MCPH1: variants seen among roughly 807,000 people sequenced by gnomAD.
The protein encoded by MCPH1 is microcephalin.
Under a neutral mutation model 84.5 loss-of-function variants are expected in MCPH1, and 104 were observed. That is an observed-to-expected ratio of 1.23 (90% CI 1.05 to 1.45). The LOEUF is 1.45. Among genes scored for constraint, MCPH1 ranks in the 40% most tolerant of loss-of-function variants. The pLI, the probability that MCPH1 is intolerant of heterozygous loss-of-function variation, is 0.00. For missense variants in MCPH1, 1,498 were observed against 1,005.7 expected (o/e 1.49, Z -6.62); for synonymous variants, 514 against 366.8 (o/e 1.40, Z -4.58).
chr8:6,627,933 T>C (rs1459287149), intron 13 of MCPH1, among the ~76,000 whole-genome samples: 7 of 151,820 alleles, frequency 4.6e-5, no homozygotes. Context: ...ATATAAACAT[T>C]AGTGGGTTTT....
chr8:6,509,730 T>C (rs1814572968), intron 12 of MCPH1, among the ~76,000 whole-genome samples: 1 of 152,178 alleles, frequency 6.6e-6, no homozygotes. Flanking sequence ...ATGTTGTATA[T>C]TGAAAATGCA....
chr8:6,445,598 G>A, intron 8 of MCPH1, 51 bp downstream of exon 8: 2 of 1,524,958 alleles, frequency 1.3e-6, no homozygotes, highest in Non-Finnish European at 8.8e-7. Flanking sequence ...ACATGTAACA[G>A]TGCATCCATA....
chr8:6,465,781 G>A (rs1019581685), intron 9 of MCPH1, among the ~76,000 whole-genome samples: 3 of 152,144 alleles, frequency 2.0e-5, no homozygotes, highest in Non-Finnish European at 2.9e-5. Context: ...TCAGACACGC[G>A]GTAAGGTAGA....
rs564967040 is a variant in MCPH1, at chr8:6,447,991, C to T, written c.1825+2444C>T. Among the ~76,000 whole-genome samples, 8 of 152,274 alleles carry T rather than the reference C, an allele frequency of 5.3e-5. No homozygotes were observed. The South Asian group carries it at 1.7e-3, about 32-fold the overall frequency. ...GAAGACTAGAATTTCCATCTCCTCA[C>T]TTGCCTCTTTTCACTAATTCACTTC... On this transcript the variant is annotated intron_variant, in intron 8 of 13. Coordinates refer to ENST00000344683, the MANE Select transcript of MCPH1 (RefSeq NM_024596.5).
chr8:6,542,468 G>T (rs1381930191), intron 12 of MCPH1, among the ~76,000 whole-genome samples: 1 of 152,080 alleles, frequency 6.6e-6, no homozygotes, highest in African/African-American at 2.4e-5. Context: ...TATTGTCGGA[G>T]TGTCACTGTA....
At chr8:6,430,916 A>G (rs1221303409) in intron 3 of MCPH1, among the ~76,000 whole-genome samples, 1 of 152,174 alleles carries the variant, frequency 6.6e-6, no homozygotes, top group Non-Finnish European at 1.5e-5. Context: ...TAAGAAGGAG[A>G]TAAGGGTCAC....
At chr8:6,541,245 C>T (rs1463688544) in intron 12 of MCPH1, among the ~76,000 whole-genome samples, 1 of 152,100 alleles carries the variant, frequency 6.6e-6, no homozygotes, top group East Asian at 1.9e-4. Context: ...GCTTTGAGGC[C>T]CCTTTAATGA....
intron 12 of MCPH1, among the ~76,000 whole-genome samples, chr8:6,540,156 G>C (rs987029505): frequency 1.3e-5 from 2 of 152,124 alleles, no homozygotes; most frequent in African/African-American, 4.8e-5. Context: ...TCTTCTTTGA[G>C]TGCAGCTGCA....
chr8:6,537,678 C>A (rs1820759768), intron 12 of MCPH1, among the ~76,000 whole-genome samples: 1 of 151,966 alleles, frequency 6.6e-6, no homozygotes, highest in Non-Finnish European at 1.5e-5. Flanking sequence ...TGTGAGGCAA[C>A]TATGGCAGAT....
At chr8:6,503,125 C>T in intron 12 of MCPH1, 1 of 1,614,204 alleles carries the variant, frequency 6.2e-7, no homozygotes, top group Non-Finnish European at 8.5e-7. Context: ...GTCGGATCAT[C>T]ATGGTTGTGG....
intron 12 of MCPH1, chr8:6,501,136 A>G (rs1183408539): frequency 1.3e-5 from 2 of 152,260 alleles, no homozygotes; most frequent in Non-Finnish European, 2.9e-5. Flanking sequence ...CTAGTTAAAT[A>G]GTTGTTGGAA....
At chr8:6,601,545 A>ACACC (rs879589352) in intron 12 of MCPH1, among the ~76,000 whole-genome samples, 35 of 144,346 alleles carry the variant, frequency 2.4e-4, no homozygotes, top group Non-Finnish European at 3.3e-4. Flanking sequence ...ACACACACAC[A>ACACC]CCCCTACGCA....
chr8:6,611,870 G>A (rs991261304), intron 12 of MCPH1, among the ~76,000 whole-genome samples: 7 of 151,970 alleles, frequency 4.6e-5, no homozygotes, highest in African/African-American at 7.2e-5. Flanking sequence ...CACCCACCTC[G>A]GCCTCCCAAA....
chr8:6,553,397 G>A (rs1037078296), intron 12 of MCPH1, among the ~76,000 whole-genome samples: 3 of 152,096 alleles, frequency 2.0e-5, no homozygotes, highest in Non-Finnish European at 4.4e-5. Context: ...GTCTTCTGAT[G>A]GTTACATAGT....
intron 9 of MCPH1, among the ~76,000 whole-genome samples, chr8:6,475,403 T>A (rs1808316169): frequency 6.6e-6 from 1 of 152,222 alleles, no homozygotes; most frequent in Non-Finnish European, 1.5e-5. Flanking sequence ...TGTGGCTCTT[T>A]TCTGACCCCT....
chr8:6,536,231 A>T (rs2129572606), intron 12 of MCPH1, among the ~76,000 whole-genome samples: 1 of 152,226 alleles, frequency 6.6e-6, no homozygotes, highest in African/African-American at 2.4e-5. Context: ...CAGCCACAGT[A>T]ATGGTAGGTA....
rs1222373606 is a variant in MCPH1 at position 6,526,275 on chromosome 8, AAAAAAAAAAAT to A, written c.2214+26347_2214+26357del. Among the ~76,000 whole-genome samples, 434 of 133,660 alleles carry A rather than the reference AAAAAAAAAAAT, an allele frequency of 3.2e-3. 4 individuals are homozygous for A. Among genetic ancestry groups the A allele is most frequent in the African/African-American group, 0.013 (403 of 31,564 alleles). 87.7% of individuals were successfully genotyped at this position (133,660 alleles called of 152,430 possible). On this transcript the variant is annotated intron_variant, in intron 12 of 13. Coordinates refer to ENST00000344683, the MANE Select transcript of MCPH1 (RefSeq NM_024596.5). ...CCTCTACTAAAAAAAAAAAAAAAAA[AAAAAAAAAAAT>A]CAGCTGGGTGTGTGACACATGCCTG...
At chr8:6,527,481 C>A in intron 12 of MCPH1, 1 of 1,540,558 alleles carries the variant, frequency 6.5e-7, no homozygotes, top group Non-Finnish European at 8.8e-7. Context: ...TCTGATAATT[C>A]ATCATTTGAG....
chr8:6,521,487 C>G, intron 12 of MCPH1: 1 of 1,031,912 alleles, frequency 9.7e-7, no homozygotes, highest in Non-Finnish European at 1.4e-6. Flanking sequence ...TTCTACTTCT[C>G]CAAGGTACTC....
Sources: gnomAD v4.1 joint callset for allele counts (sites outside exome capture counted in the v4.1 genomes callset) on GRCh38, gnomAD v4.1.1 for gene constraint, MANE v1.5 for transcripts, NCBI Gene and HGNC (gene_info 2026-07-23, HGNC 2026-07-21) for gene names.